Variants in P2RY12 observed in about 807,000 individuals in gnomAD.
The protein encoded by P2RY12 is P2Y purinoceptor 12.
Under a neutral mutation model 4.5 loss-of-function variants are expected in P2RY12, and 3 were observed. That is an observed-to-expected ratio of 0.67 (90% CI 0.31 to 1.74). The LOEUF is 1.74. Ranked by LOEUF, P2RY12 falls within the 40% of genes most tolerant of loss-of-function variation. The probability of loss-of-function intolerance (pLI) is 0.09; values close to 1 mark genes in which losing one functional copy is unlikely to be tolerated. For synonymous variants in P2RY12, 148 were observed against 154.1 expected (o/e 0.96, Z 0.29); for missense variants, 356 against 407.8 (o/e 0.87, Z 1.09).
At chr3:151,350,425 AT>A (rs1753080157) in intron 1 of P2RY12, among the ~76,000 whole-genome samples, 1 of 152,018 alleles carries the variant, frequency 6.6e-6, no homozygotes, top group African/African-American at 2.4e-5. Flanking sequence ...TTAATATTAA[AT>A]ATTATTTTAT....
chr3:151,355,788 G>A, intron 1 of P2RY12: 1 of 925,182 alleles, frequency 1.1e-6, no homozygotes, highest in Non-Finnish European at 1.5e-6. Context: ...TTTCGTCAAA[G>A]TAGAATCATG....
intron 1 of P2RY12, among the ~76,000 whole-genome samples, chr3:151,373,663 A>G (rs560894379): frequency 1.3e-5 from 2 of 151,570 alleles, no homozygotes; most frequent in Admixed American, 1.3e-4. Context: ...TATTATCCAT[A>G]TGGGTTATAA....
chr3:151,371,996 CAG>C (rs529465120), intron 1 of P2RY12, among the ~76,000 whole-genome samples: 40 of 152,222 alleles, frequency 2.6e-4, no homozygotes, highest in Non-Finnish European at 3.2e-4. Context: ...GGTAAAAAAA[CAG>C]GGGTTATTCA....
At chr3:151,341,851 GT>G (rs1383306965) in intron 1 of P2RY12, among the ~76,000 whole-genome samples, 1 of 151,682 alleles carries the variant, frequency 6.6e-6, no homozygotes, top group African/African-American at 2.4e-5. Flanking sequence ...TCTTGCGATA[GT>G]TTACTGAGAA....
chr3:151,364,249 C>G (rs1194705453), intron 1 of P2RY12, among the ~76,000 whole-genome samples: 1 of 152,148 alleles, frequency 6.6e-6, no homozygotes, highest in Non-Finnish European at 1.5e-5. Flanking sequence ...GGTTCTAATT[C>G]CTGTTATACT....
intron 1 of P2RY12, among the ~76,000 whole-genome samples, chr3:151,380,793 A>T (rs1712176993): frequency 6.6e-6 from 1 of 152,198 alleles, no homozygotes; most frequent in African/African-American, 2.4e-5. Flanking sequence ...ACTTTGAACT[A>T]TCTGCCCGTC....
At chr3:151,377,801 G>A (rs932492193) in intron 1 of P2RY12, among the ~76,000 whole-genome samples, 5 of 152,178 alleles carry the variant, frequency 3.3e-5, no homozygotes, top group Non-Finnish European at 7.3e-5. Context: ...TTCCAGAACT[G>A]CATGTTTTAT....
chr3:151,374,300 C>A (rs1756554659), intron 1 of P2RY12, among the ~76,000 whole-genome samples: 1 of 152,210 alleles, frequency 6.6e-6, no homozygotes, highest in Non-Finnish European at 1.5e-5. Flanking sequence ...GTAATCCCAG[C>A]ACTTTGGGAG....
intron 1 of P2RY12, among the ~76,000 whole-genome samples, chr3:151,367,920 T>C (rs185582153): frequency 1.4e-4 from 21 of 152,280 alleles, no homozygotes; most frequent in African/African-American, 4.6e-4. Flanking sequence ...TTAATAGTTA[T>C]TTTATACAAA....
chr3:151,372,461 A>G, intron 1 of P2RY12: 1 of 770,274 alleles, frequency 1.3e-6, no homozygotes, highest in Non-Finnish European at 2.2e-6. Flanking sequence ...CAATAATAAT[A>G]CTGTTCATAT....
intron 1 of P2RY12, among the ~76,000 whole-genome samples, chr3:151,353,528 G>A (rs1753510097): frequency 6.6e-6 from 1 of 152,194 alleles, no homozygotes. Flanking sequence ...AAATTCTGAT[G>A]TACTCTAGCA....
At chr3:151,368,064 T>C (rs1041067307) in intron 1 of P2RY12, 2 of 1,085,380 alleles carry the variant, frequency 1.8e-6, no homozygotes, top group East Asian at 2.5e-5. Context: ...AAATAATTAT[T>C]CCAGGAAATT....
chr3:151,367,666 T>C (rs1266073320), intron 1 of P2RY12: 2 of 1,607,920 alleles, frequency 1.2e-6, no homozygotes, highest in Non-Finnish European at 1.7e-6. Flanking sequence ...TTTCATTCCA[T>C]GATTCATTAG....
At chr3:151,353,682 T>G (rs1267224424) in intron 1 of P2RY12, among the ~76,000 whole-genome samples, 1 of 152,238 alleles carries the variant, frequency 6.6e-6, no homozygotes, top group East Asian at 1.9e-4. Context: ...ACCATTACAT[T>G]TGCCATTAGC....
At chr3:151,360,404 TA>T in intron 1 of P2RY12, 1 of 1,430,114 alleles carries the variant, frequency 7.0e-7, no homozygotes, top group Non-Finnish European at 9.6e-7. Flanking sequence ...ATTTTCATTC[TA>T]AAAGAGTCAA....
intron 1 of P2RY12, chr3:151,372,784 GCCTTT>G (rs1471196988): frequency 1.2e-6 from 2 of 1,603,912 alleles, no homozygotes; most frequent in South Asian, 2.2e-5. Flanking sequence ...AATTTAATTT[GCCTTT>G]TACTTTGAGT....
chr3:151,347,858 T>A (rs1053677390), intron 1 of P2RY12, among the ~76,000 whole-genome samples: 2 of 152,122 alleles, frequency 1.3e-5, no homozygotes, highest in African/African-American at 4.8e-5. Flanking sequence ...TTAGAAAGGT[T>A]TATTATTCGA....
rs767962 is a variant in P2RY12 at position 151,337,633 on chromosome 3, C to T, written c.*184G>A. The T allele has an allele frequency of 3.2e-6, 2 of 629,754 alleles. No individual in the cohort carries two copies. The highest frequency in any genetic ancestry group is 4.3e-4 in the Middle Eastern group (1 of 2,332). The allele number at this position is 629,754 out of a possible 1,614,324, so 39.0% of individuals were successfully genotyped here. A position where few individuals can be genotyped will look rare whatever the true frequency, so the allele number is the denominator to read the frequency against. ...TACAGCTACAGTTTAGATTAGTTTT[C>T]TATATTTTAAGATAGCTTTTCATAC... On this transcript the variant is annotated 3_prime_UTR_variant, in exon 3 of 3. Transcript: ENST00000302632.
intron 1 of P2RY12, chr3:151,380,033 A>T: frequency 1.2e-6 from 1 of 868,930 alleles, no homozygotes; most frequent in South Asian, 1.8e-5. Context: ...TCTAATAGTG[A>T]GGCAAAGAAA....
Sources: gnomAD v4.1 joint callset for allele counts (sites outside exome capture counted in the v4.1 genomes callset) on GRCh38, gnomAD v4.1.1 for gene constraint, MANE v1.5 for transcripts, NCBI Gene and HGNC (gene_info 2026-07-23, HGNC 2026-07-21) for gene names.